CAMK2D: variants seen among roughly 807,000 people sequenced by gnomAD.
The protein encoded by CAMK2D is calcium/calmodulin-dependent protein kinase type II subunit delta.
A neutral mutation model predicts 84.0 loss-of-function variants in CAMK2D; 37 were observed. The observed-to-expected ratio is 0.44, with a 90% CI of 0.34 to 0.58. The LOEUF (loss-of-function observed/expected upper bound fraction) is 0.58, where lower values mean the gene tolerates loss of function less well. Ranked by LOEUF, CAMK2D falls within the 20% of genes least tolerant of loss-of-function variation. The pLI is 0.02. For missense variants in CAMK2D, 448 were observed against 652.5 expected, an observed-to-expected ratio of 0.69 and a Z score of 3.41; for synonymous variants, 202 against 212.5, an observed-to-expected ratio of 0.95 and a Z score of 0.43.
chr4:113,573,179 C>A (rs11941638), intron 4 of CAMK2D, among the ~76,000 whole-genome samples: 1 of 152,124 alleles, frequency 6.6e-6, no homozygotes, highest in Admixed American at 6.5e-5. Flanking sequence ...TTCAAATGTA[C>A]CCCCAAACCT....
In CAMK2D at chr4:113,711,139, T is replaced by A. The variant is rs528167478; in HGVS notation, c.160+48181A>T. On this transcript the variant is annotated intron_variant, in intron 2 of 20. Coordinates refer to ENST00000511664, the MANE Select transcript of CAMK2D (RefSeq NM_001321571.2). ...TATAAATTTATTATATTTTATTAAA[T>A]ATAAAAATATAATTATATATTAGTA... 4.0e-4 allele frequency among the ~76,000 whole-genome samples: 60 copies of A among 148,702 alleles called. No individual in the cohort carries two copies. The South Asian group carries it at 0.012, about 29-fold the overall frequency.
intron 4 of CAMK2D, among the ~76,000 whole-genome samples, chr4:113,605,179 G>A (rs1439054437): frequency 6.6e-6 from 1 of 152,190 alleles, no homozygotes; most frequent in Middle Eastern, 3.2e-3. Flanking sequence ...AGATGAGTTT[G>A]CAGAAACAGA....
chr4:113,471,596 C>T (rs1365780520), intron 16 of CAMK2D, among the ~76,000 whole-genome samples: 2 of 152,148 alleles, frequency 1.3e-5, no homozygotes, highest in African/African-American at 4.8e-5. Context: ...TTTTATTCCT[C>T]ATAGATCTTT....
At chr4:113,604,482 G>A (rs973354781) in intron 4 of CAMK2D, among the ~76,000 whole-genome samples, 4 of 151,928 alleles carry the variant, frequency 2.6e-5, no homozygotes, top group African/African-American at 9.7e-5. Context: ...CTCATTTACT[G>A]GTAGATCATT....
At chr4:113,584,118 G>A (rs1280074590) in intron 4 of CAMK2D, among the ~76,000 whole-genome samples, 1 of 152,132 alleles carries the variant, frequency 6.6e-6, no homozygotes, top group Admixed American at 6.6e-5. Flanking sequence ...GTCAGTAAAA[G>A]GTGTTTCTTA....
chr4:113,681,295 C>A (rs1183785996), intron 2 of CAMK2D, among the ~76,000 whole-genome samples: 1 of 152,164 alleles, frequency 6.6e-6, no homozygotes, highest in Non-Finnish European at 1.5e-5. Flanking sequence ...GTAACTGAAT[C>A]ATGGGGGTGG....
intron 2 of CAMK2D, among the ~76,000 whole-genome samples, chr4:113,695,335 T>A (rs2099399451): frequency 2.6e-5 from 4 of 152,144 alleles, no homozygotes; most frequent in African/African-American, 9.6e-5. Flanking sequence ...CAAGCCTGAA[T>A]TTTTATCTCC....
intron 1 of CAMK2D, among the ~76,000 whole-genome samples, 174 bp from the exon 2 acceptor site, chr4:113,759,588 A>G (rs2099636093): frequency 6.6e-6 from 1 of 152,234 alleles, no homozygotes; most frequent in African/African-American, 2.4e-5. Context: ...TTGAAGAATA[A>G]AAGTAAATTT....
intron 2 of CAMK2D, among the ~76,000 whole-genome samples, chr4:113,674,536 TTGTC>T (rs148713117): frequency 0.015 from 2,278 of 152,202 alleles, 37 homozygotes; most frequent in East Asian, 0.076. Flanking sequence ...GCCACTTAAA[TTGTC>T]TGTGGTTCCT....
chr4:113,622,138 C>T (rs928135546), intron 3 of CAMK2D, among the ~76,000 whole-genome samples: 1 of 152,148 alleles, frequency 6.6e-6, no homozygotes, highest in Non-Finnish European at 1.5e-5. Context: ...TGTGTCTTTG[C>T]CTCAAATCCA....
intron 3 of CAMK2D, among the ~76,000 whole-genome samples, chr4:113,654,580 C>T (rs1411216061): frequency 6.6e-6 from 1 of 151,906 alleles, no homozygotes; most frequent in East Asian, 1.9e-4. Context: ...GAACCAAAAA[C>T]AACCTCAAAA....
chr4:113,598,949 C>A (rs7681248), intron 4 of CAMK2D, among the ~76,000 whole-genome samples: 64,064 of 151,874 alleles, frequency 0.42, 14,207 homozygotes, highest in East Asian at 0.64. Flanking sequence ...ATATACAAAT[C>A]ACCCTCAAAG....
chr4:113,760,881 G>T, intron 1 of CAMK2D, 123 bp downstream of exon 1: 1 of 1,222,420 alleles, frequency 8.2e-7, no homozygotes. Flanking sequence ...GACAAACCAG[G>T]GGCCCTCCTC....
intron 2 of CAMK2D, among the ~76,000 whole-genome samples, chr4:113,704,084 A>T (rs1014469933): frequency 6.6e-6 from 1 of 152,096 alleles, no homozygotes; most frequent in South Asian, 2.1e-4. Context: ...GAAGCACAGT[A>T]TTATTCTTAA....
chr4:113,499,583 A>G (rs2098001658), intron 16 of CAMK2D, among the ~76,000 whole-genome samples: 1 of 152,194 alleles, frequency 6.6e-6, no homozygotes, highest in Admixed American at 6.5e-5. Context: ...TTATGGTGAT[A>G]CTATTAGGTC....
chr4:113,509,028 CTG>C (rs766526241), intron 13 of CAMK2D, among the ~76,000 whole-genome samples: 9 of 152,018 alleles, frequency 5.9e-5, no homozygotes, highest in African/African-American at 2.2e-4. Flanking sequence ...AGGAAAGAAA[CTG>C]TATTATTTTG....
chr4:113,752,719 ACTC>A (rs1292695544), intron 2 of CAMK2D, among the ~76,000 whole-genome samples: 13 of 152,036 alleles, frequency 8.6e-5, no homozygotes, highest in African/African-American at 2.9e-4. Context: ...AAAATACTGA[ACTC>A]CTCTTTAACC....
At chr4:113,580,441 AG>A (rs2098802524) in intron 4 of CAMK2D, among the ~76,000 whole-genome samples, 1 of 152,218 alleles carries the variant, frequency 6.6e-6, no homozygotes, top group Admixed American at 6.5e-5. Context: ...GTACTGATTC[AG>A]TAAGATGTAC....
intron 4 of CAMK2D, among the ~76,000 whole-genome samples, chr4:113,567,168 C>CTTTT (rs1317760050): frequency 1.5e-5 from 2 of 129,388 alleles, no homozygotes; most frequent in Admixed American, 9.1e-5. Context: ...TTTTCTTTTC[C>CTTTT]TTTTTTTTTT....
Sources: allele counts gnomAD v4.1 joint callset (sites outside exome capture counted in the v4.1 genomes callset), GRCh38; gene constraint gnomAD v4.1.1; transcripts MANE v1.5; gene names NCBI Gene and HGNC (gene_info 2026-07-23, HGNC 2026-07-21).